Variants in DHX34 observed in about 807,000 individuals in gnomAD.
DHX34 encodes probable ATP-dependent RNA helicase DHX34.
Under a neutral mutation model 111.1 loss-of-function variants are expected in DHX34, and 96 were observed. The ratio of observed to expected loss-of-function variants is 0.86; its 90% confidence interval spans 0.73 to 1.02. DHX34 has a LOEUF of 1.02. Ranked by LOEUF, DHX34 falls within the 50% of genes least tolerant of loss-of-function variation. The probability of loss-of-function intolerance (pLI) is 0.00; values close to 1 mark genes in which losing one functional copy is unlikely to be tolerated. For missense variants in DHX34, 1,560 were observed against 1,579.9 expected, an observed-to-expected ratio of 0.99 and a Z score of 0.21; for synonymous variants, 688 against 670.4, an observed-to-expected ratio of 1.03 and a Z score of -0.41.
rs141087343 is a variant in DHX34, at chr19:47,353,754, G to A, written c.705+19G>A. 5.2e-4 allele frequency: 793 copies of A among 1,528,736 alleles called. 4 individuals carry two copies. In the African/African-American group the frequency reaches 9.4e-3, roughly 18 times the overall value. The allele number at this position is 1,528,736 out of a possible 1,614,324, so 94.7% of individuals were successfully genotyped here. On this transcript the variant is annotated intron_variant, in intron 2 of 16. Coordinates refer to ENST00000328771, the MANE Select transcript of DHX34 (RefSeq NM_014681.6). The surrounding 1 kb of genome is among the most constrained non-coding windows in gnomAD (Gnocchi z 4.6). ...CTCACAGGTGAGTGGGACGCACCAG[G>A]TTTCCGATTTTTCCAGCGTGACCTT...
intron 2 of DHX34, 149 bp from the exon 3 acceptor site, chr19:47,354,890 G>A (rs1276387201): frequency 3.9e-5 from 54 of 1,402,038 alleles, no homozygotes; most frequent in Non-Finnish European, 5.0e-5. Context: ...CCTACCTCAG[G>A]TGATCCGCCC....
In DHX34 at chr19:47,379,717, T is replaced by C; in HGVS notation, c.2714T>C (p.Leu905Pro). The C allele has an allele frequency of 6.3e-7, 1 of 1,596,650 alleles. No individual in the cohort carries two copies. Among genetic ancestry groups the C allele is most frequent in the Non-Finnish European group, 8.6e-7 (1 of 1,165,898 alleles). ...CVRIPALQSL[L>P]LFSRSLDTNG... ...CTGCCCCCTCTCTTTCAGTCCCTCCTGCTTTTTAGCCGGTCTTTGGACACC... is the reference window on the plus strand; with the variant it reads ...CTGCCCCCTCTCTTTCAGTCCCTCCCGCTTTTTAGCCGGTCTTTGGACACC... Residue 905 changes from leucine to proline, a missense_variant, in exon 14 of 17, where the codon CTG becomes CCG. By Grantham distance (98) the Leu-to-Pro change is moderately conservative. Coordinates refer to ENST00000328771, the MANE Select transcript of DHX34 (RefSeq NM_014681.6).
chr19:47,382,598 C>T lies in DHX34; in HGVS notation c.*485C>T, dbSNP rs377714556. 129 of 156,124 alleles carry T rather than the reference C, an allele frequency of 8.3e-4. No homozygotes were observed. Among genetic ancestry groups the T allele is most frequent in the African/African-American group, 3.0e-3 (126 of 41,598 alleles). 9.7% of individuals were successfully genotyped at this position (156,124 alleles called of 1,614,324 possible). A position where few individuals can be genotyped will look rare whatever the true frequency, so the allele number is the denominator to read the frequency against. ...TGGGAGCACTGGTGTTCACGTGGGA[C>T]CACAGGCTGCACCATAAGACCCACT... On this transcript the variant is annotated 3_prime_UTR_variant, in exon 17 of 17. Transcript: ENST00000328771.
At chr19:47,378,362 T>C (rs1970237353) in intron 13 of DHX34, among the ~76,000 whole-genome samples, 1 of 152,046 alleles carries the variant, frequency 6.6e-6, no homozygotes, top group Non-Finnish European at 1.5e-5. Context: ...CCCACCCTCA[T>C]GGGGCTCAGA....
rs2122385700 is a variant in DHX34, at chr19:47,380,859, A to C, written c.3026A>C (p.Asn1009Thr). The C allele has an allele frequency of 6.2e-7, 1 of 1,613,970 alleles. No individual in the cohort carries two copies. The highest frequency in any genetic ancestry group is 2.2e-5 in the East Asian group (1 of 44,874). The change falls in exon 15 of 17, where the codon AAC becomes ACC. Residue 1009 changes from asparagine to threonine, a missense_variant. Coordinates refer to ENST00000328771, the MANE Select transcript of DHX34 (RefSeq NM_014681.6). ...LRRLTGLEVQ[N>T]MYVGPQTIPA... ...CGGCTCACAGGGCTAGAAGTCCAGA[A>C]CATGTATGTGGGACCCCAGACCATC...
Position 47,361,207 on chromosome 19 carries a change from C to T in DHX34, c.1375+1137C>T, listed in dbSNP as rs371299200. On this transcript the variant is annotated intron_variant, in intron 5 of 16. Transcript: ENST00000328771. The stretch of plus-strand genomic sequence containing the variant: ...GCGCGGTGGCTCACACATGTAATAC[C>T]AGCACTTTGGGAGGCCAAGGCAGGC... Among the ~76,000 whole-genome samples, 14 of 152,082 alleles carry T rather than the reference C, an allele frequency of 9.2e-5. 1 individual carries two copies. In the East Asian group the frequency reaches 2.7e-3, roughly 30 times the overall value.
chr19:47,378,152 GGA>G (rs1294239295), intron 13 of DHX34, among the ~76,000 whole-genome samples: 1 of 152,128 alleles, frequency 6.6e-6, no homozygotes, highest in Non-Finnish European at 1.5e-5. Flanking sequence ...AACGTGGAGG[GGA>G]GAGAGGAACC....
At position 47,377,345 on chromosome 19, in the gene DHX34, C is replaced by A. The variant is rs998870085; in HGVS notation, c.2706+139C>A. ...CGCAGGCGTCAGCCTTGGGCCGTTG[C>A]TGTGGCTGCTTTTTCTCTCATTCAT... On this transcript the variant is annotated intron_variant, in intron 13 of 16. Transcript: ENST00000328771. 9 of 855,572 alleles carry A rather than the reference C, an allele frequency of 1.1e-5. No individual in the cohort carries two copies. The African/African-American group carries it at 1.4e-4, about 13-fold the overall frequency. The allele number at this position is 855,572 out of a possible 1,614,324, so 53.0% of individuals were successfully genotyped here.
rs374278350 is a variant in DHX34, at chr19:47,377,173, C to G, written c.2673C>G (p.Tyr891Ter). 6.2e-7 allele frequency: 1 copy of G among 1,613,972 alleles called. No homozygotes were observed. The highest frequency in any genetic ancestry group is 1.7e-5 in the Admixed American group (1 of 60,006). ...CCCTGCTGGAGACCAACAAGCCGTA[C>G]CTGGTGAACTGCGTCCGCATCCCTG... ...FVSLLETNKP[Y>*]LVNCVRIPAL... The change falls in exon 13 of 17, where the codon TAC (tyrosine) becomes TAG (stop). Residue 891 changes from tyrosine (Y) to a stop codon, truncating the protein, a stop_gained. Transcript: ENST00000328771. LOFTEE classifies it high-confidence loss of function.
At chr19:47,370,837 C>A (rs1306033868) in intron 7 of DHX34, among the ~76,000 whole-genome samples, 2 of 152,174 alleles carry the variant, frequency 1.3e-5, no homozygotes, top group Admixed American at 6.5e-5. Context: ...CCACCACACT[C>A]AGTTTTTGTA....
intron 13 of DHX34, among the ~76,000 whole-genome samples, chr19:47,378,859 G>A (rs1168592234): frequency 1.3e-5 from 2 of 151,808 alleles, no homozygotes; most frequent in Non-Finnish European, 2.9e-5. Flanking sequence ...GCCGGGCATG[G>A]TGGCTCACGC....
chr19:47,349,957 C>A (rs768181802), intron 1 of DHX34, among the ~76,000 whole-genome samples: 7 of 152,084 alleles, frequency 4.6e-5, no homozygotes, highest in Non-Finnish European at 7.4e-5. Context: ...ATTTGAGTGG[C>A]TCATGTAACA....
intron 1 of DHX34, among the ~76,000 whole-genome samples, chr19:47,351,178 T>C (rs1014813053): frequency 6.8e-4 from 76 of 112,044 alleles, no homozygotes; most frequent in Non-Finnish European, 3.3e-4. Flanking sequence ...TTTCTTTTTT[T>C]TTTTTTTTTT....
intron 11 of DHX34, 170 bp downstream of exon 11, chr19:47,376,267 G>C: frequency 3.5e-6 from 5 of 1,441,702 alleles, no homozygotes; most frequent in Non-Finnish European, 4.6e-6. Flanking sequence ...AGAGTGGGCA[G>C]GGCTTGGGGA....
intron 13 of DHX34, 113 bp downstream of exon 13, chr19:47,377,319 C>A: frequency 8.8e-7 from 1 of 1,132,002 alleles, no homozygotes; most frequent in Non-Finnish European, 1.2e-6. Flanking sequence ...CCTGGGCTGG[C>A]CGCAGGCGTC....
chr19:47,372,975 C>A, intron 8 of DHX34, 52 bp downstream of exon 8: 1 of 1,516,564 alleles, frequency 6.6e-7, no homozygotes, highest in Non-Finnish European at 8.8e-7. Context: ...AGGGCCAAGG[C>A]CTTCTGTGGC....
chr19:47,379,630 A>G (rs1970285676), intron 13 of DHX34, 80 bp from the exon 14 acceptor site: 4 of 1,511,654 alleles, frequency 2.6e-6, no homozygotes, highest in Non-Finnish European at 3.5e-6. Flanking sequence ...GGTGGGCAGG[A>G]GCCCAGCCGG....
At chr19:47,371,548 C>T (rs187854782) in intron 7 of DHX34, among the ~76,000 whole-genome samples, 4 of 152,322 alleles carry the variant, frequency 2.6e-5, no homozygotes, top group East Asian at 1.9e-4. Context: ...CTGCACAGTA[C>T]AGCCCCAAGC....
In DHX34 at chr19:47,376,455, C is replaced by T; in HGVS notation, c.2494C>T (p.Gln832Ter). The change falls in exon 12 of 17, where the codon CAG becomes TAG. Residue 832 changes from glutamine (Q) to a stop codon, truncating the protein, a stop_gained. Transcript: ENST00000328771. LOFTEE classifies it high-confidence loss of function. Reference sequence around the variant, plus strand: ...CTGTCCTCCGCAGATTTTCCACACGCAGGCCAAGCAGGGCGCCGTGCTGCA... The same window carrying T: ...CTGTCCTCCGCAGATTTTCCACACGTAGGCCAAGCAGGGCGCCGTGCTGCA... ...RKDSDQIFHT[Q>*]AKQGAVLHPT... The T allele has an allele frequency of 6.2e-7, 1 of 1,611,644 alleles. No homozygotes were observed. Among genetic ancestry groups the T allele is most frequent in the Non-Finnish European group, 8.5e-7 (1 of 1,179,138 alleles).
Sources: gnomAD v4.1 joint callset for allele counts (sites outside exome capture counted in the v4.1 genomes callset) on GRCh38, gnomAD v4.1.1 for gene constraint, Gnocchi (gnomAD v3.1) non-coding constraint, MANE v1.5 for transcripts, NCBI Gene and HGNC (gene_info 2026-07-23, HGNC 2026-07-21) for gene names.